The following NFIB variants were observed in gnomAD, a reference collection of about 807,000 sequenced individuals.
The protein encoded by NFIB is nuclear factor 1 B-type.
NFIB carries 11 observed loss-of-function variants against 61.5 expected under a neutral mutation model. The observed-to-expected ratio is 0.18, with a 90% CI of 0.11 to 0.30. The LOEUF is 0.30. NFIB is among the 10% of genes least tolerant of loss of function. The pLI is 1.00. For missense variants in NFIB, 471 were observed against 608.9 expected, an observed-to-expected ratio of 0.77 and a Z score of 2.38; for synonymous variants, 260 against 216.5, an observed-to-expected ratio of 1.20 and a Z score of -1.76.
chr9:14,283,323 C>T (rs1341072628), intron 2 of NFIB, among the ~76,000 whole-genome samples: 1 of 152,170 alleles, frequency 6.6e-6, no homozygotes, highest in East Asian at 1.9e-4. Context: ...ACTCACTGGA[C>T]ACAGGTTGAA....
At chr9:14,413,523 G>GT in the NFIB span, among the ~76,000 whole-genome samples, 1 of 152,074 alleles carries the variant, frequency 6.6e-6, no homozygotes, top group South Asian at 2.1e-4. Context: ...GAGTCTCAGG[G>GT]TTTTTTATCT....
chr9:14,098,925 T>C (rs2035300505), intron 10 of NFIB, among the ~76,000 whole-genome samples: 2 of 152,188 alleles, frequency 1.3e-5, no homozygotes, highest in Non-Finnish European at 2.9e-5. Context: ...TCAGCTTTGG[T>C]TCCTAAGGGA....
chr9:14,350,516 G>T (rs1161789893), intron 1 of NFIB, among the ~76,000 whole-genome samples: 1 of 151,868 alleles, frequency 6.6e-6, no homozygotes, highest in African/African-American at 2.4e-5. Context: ...GGGTGGGGTG[G>T]GGGGGGAAGT....
At chr9:14,386,433 G>A (rs2061549543) in intron 1 of NFIB, among the ~76,000 whole-genome samples, 2 of 152,150 alleles carry the variant, frequency 1.3e-5, no homozygotes, top group Non-Finnish European at 2.9e-5. Context: ...AGGACTCCAG[G>A]TCCTCAGGTG....
At chr9:14,334,122 C>T (rs2060855483) in intron 1 of NFIB, among the ~76,000 whole-genome samples, 1 of 152,194 alleles carries the variant, frequency 6.6e-6, no homozygotes, top group African/African-American at 2.4e-5. Flanking sequence ...CTGTACCCAA[C>T]AAACCTTGGG....
At chr9:14,179,377 A>C (rs1024740705) in intron 3 of NFIB, among the ~76,000 whole-genome samples, 2 of 152,152 alleles carry the variant, frequency 1.3e-5, no homozygotes, top group African/African-American at 4.8e-5. Context: ...GCAGTATGGA[A>C]ATTTTTACAT....
At chr9:14,125,909 G>A (rs76667969) in intron 6 of NFIB, 143 bp from the exon 7 acceptor site, 39,295 of 1,100,850 alleles carry the variant, frequency 0.036, 941 homozygotes, top group Non-Finnish European at 0.042. Context: ...GAGTGTCAAC[G>A]ATCCAGCTGT....
the NFIB span, among the ~76,000 whole-genome samples, chr9:14,432,813 T>C: frequency 1.4e-4 from 22 of 152,218 alleles, no homozygotes; most frequent in African/African-American, 5.3e-4. Context: ...TTCATAATGC[T>C]ATGAGGCCAA....
chr9:14,480,603 G>A, the NFIB span, among the ~76,000 whole-genome samples: 3 of 152,112 alleles, frequency 2.0e-5, no homozygotes, highest in Non-Finnish European at 4.4e-5. Flanking sequence ...CTAGCCAAAC[G>A]TTTATTGGCT....
intron 2 of NFIB, among the ~76,000 whole-genome samples, chr9:14,293,239 A>G (rs915502921): frequency 1.3e-5 from 2 of 152,200 alleles, no homozygotes; most frequent in African/African-American, 2.4e-5. Flanking sequence ...ATGATCTAAT[A>G]TTGTTGCTAC....
the NFIB span, among the ~76,000 whole-genome samples, chr9:14,427,577 TGTTACTCTGGA>T: frequency 6.6e-6 from 1 of 152,144 alleles, no homozygotes; most frequent in Non-Finnish European, 1.5e-5. Context: ...CTTGATACAT[TGTTACTCTGGA>T]TAAGGAGCTC....
chr9:14,283,856 G>T (rs576394259), intron 2 of NFIB, among the ~76,000 whole-genome samples: 1 of 152,336 alleles, frequency 6.6e-6, no homozygotes, highest in East Asian at 1.9e-4. Context: ...CAGTAGACAG[G>T]AAAAGACAAA....
chr9:14,136,379 C>T (rs16931396), intron 6 of NFIB, among the ~76,000 whole-genome samples: 2,728 of 152,136 alleles, frequency 0.018, 84 homozygotes, highest in African/African-American at 0.061. Flanking sequence ...CCATGCCTCT[C>T]GGGAAAACCT....
At position 14,313,919 on chromosome 9, in the gene NFIB, G is replaced by T; in HGVS notation, c.-408C>A. 1.0e-6 allele frequency: 1 copy of T among 999,556 alleles called. No individual in the cohort carries two copies. Among genetic ancestry groups the T allele is most frequent in the Non-Finnish European group, 1.2e-6 (1 of 841,916 alleles). 61.9% of individuals were successfully genotyped at this position (999,556 alleles called of 1,614,324 possible). On this transcript the variant is annotated 5_prime_UTR_variant, in exon 1 of 11. Transcript: ENST00000380953. This position sits in a 1 kb window ranked among gnomAD's most constrained non-coding sequence, Gnocchi z 4.5. ...GTGGGTTGGATTGGGGTGGTGGTTG[G>T]TGGTAAAATGCTTTTTCAAAAAAGG... is the stretch of plus-strand genomic sequence containing the variant.
chr9:14,268,131 A>G (rs1428882412), intron 2 of NFIB, among the ~76,000 whole-genome samples: 1 of 152,094 alleles, frequency 6.6e-6, no homozygotes, highest in Non-Finnish European at 1.5e-5. Context: ...AAAAAAAAAA[A>G]AAAAATTATA....
the NFIB span, among the ~76,000 whole-genome samples, chr9:14,484,483 T>C: frequency 1.3e-5 from 2 of 152,188 alleles, no homozygotes; most frequent in South Asian, 2.1e-4. Flanking sequence ...TGCTGCAAAA[T>C]ATGTGTTTTT....
chr9:14,416,600 G>C, the NFIB span, among the ~76,000 whole-genome samples: 8 of 152,006 alleles, frequency 5.3e-5, no homozygotes, highest in Non-Finnish European at 1.2e-4. Flanking sequence ...GCTGTACAAT[G>C]TGTGTTTTAA....
the NFIB span, among the ~76,000 whole-genome samples, chr9:14,515,322 T>C: frequency 2.0e-5 from 3 of 152,162 alleles, no homozygotes; most frequent in African/African-American, 7.2e-5. Context: ...GGGCCTAAAA[T>C]GCACAGGATG....
chr9:14,477,510 T>C, the NFIB span, among the ~76,000 whole-genome samples: 12 of 152,326 alleles, frequency 7.9e-5, no homozygotes, highest in South Asian at 2.1e-4. Context: ...CGAGTAATAA[T>C]TGAGGAGTAA....
Sources: gnomAD v4.1 joint callset for allele counts (sites outside exome capture counted in the v4.1 genomes callset) on GRCh38, gnomAD v4.1.1 for gene constraint, Gnocchi (gnomAD v3.1) non-coding constraint, MANE v1.5 for transcripts, NCBI Gene and HGNC (gene_info 2026-07-23, HGNC 2026-07-21) for gene names.